Variants in RPRD1A observed in about 807,000 individuals in gnomAD.
RPRD1A encodes the protein regulation of nuclear pre-mRNA domain containing 1A, also known as regulation of nuclear pre-mRNA domain-containing protein 1A.
A neutral mutation model predicts 37.8 loss-of-function variants in RPRD1A; 9 were observed. The ratio of observed to expected loss-of-function variants is 0.24; its 90% CI spans 0.14 to 0.42. RPRD1A has a LOEUF of 0.42. Ranked by LOEUF, RPRD1A falls within the 10% of genes least tolerant of loss-of-function variation. The probability of loss-of-function intolerance (pLI) is 1.00; values close to 1 mark genes in which losing one functional copy is unlikely to be tolerated. For synonymous variants in RPRD1A, 138 were observed against 139.7 expected (o/e 0.99, Z 0.08); for missense variants, 255 against 371.0 (o/e 0.69, Z 2.57).
chr18:36,067,161 G>T, intron 1 of RPRD1A, 93 bp downstream of exon 1: 1 of 1,396,020 alleles, frequency 7.2e-7, no homozygotes, highest in South Asian at 1.4e-5. Context: ...TCCCGACGCC[G>T]GGAAGCCGGG....
chr18:36,066,516 G>A (rs1006035241), intron 1 of RPRD1A, among the ~76,000 whole-genome samples: 3 of 152,162 alleles, frequency 2.0e-5, no homozygotes, highest in African/African-American at 7.2e-5. Context: ...TTTTTACAAA[G>A]TTGCTCTGCA....
chr18:36,024,888 C>T (rs536276465), intron 6 of RPRD1A: 1 of 152,314 alleles, frequency 6.6e-6, no homozygotes, highest in South Asian at 2.1e-4. Context: ...ACAAAGAGTT[C>T]TGTGGAATAA....
At chr18:36,010,082 T>C (rs1031197462) in intron 6 of RPRD1A, among the ~76,000 whole-genome samples, 3 of 151,464 alleles carry the variant, frequency 2.0e-5, no homozygotes, top group Non-Finnish European at 4.4e-5. Context: ...TGGTATGATA[T>C]GTTAGTTATT....
At chr18:36,043,117 CAA>C (rs1351807385) in intron 1 of RPRD1A, among the ~76,000 whole-genome samples, 8 of 129,490 alleles carry the variant, frequency 6.2e-5, no homozygotes, top group Non-Finnish European at 1.1e-4. Flanking sequence ...GGAAAAATAT[CAA>C]AGACATAGTA....
intron 1 of RPRD1A, among the ~76,000 whole-genome samples, chr18:36,059,022 T>C (rs1913987300): frequency 6.6e-6 from 1 of 152,214 alleles, no homozygotes; most frequent in Non-Finnish European, 1.5e-5. Context: ...AAATGTTATG[T>C]TACGATAATT....
chr18:36,056,293 T>G (rs1913762296), intron 1 of RPRD1A, among the ~76,000 whole-genome samples: 1 of 151,860 alleles, frequency 6.6e-6, no homozygotes, highest in Non-Finnish European at 1.5e-5. Context: ...TGGGTTTTTG[T>G]GTTTTTTTTT....
At chr18:36,006,934 A>C (rs1181955827) in intron 6 of RPRD1A, among the ~76,000 whole-genome samples, 1 of 152,112 alleles carries the variant, frequency 6.6e-6, no homozygotes, top group Admixed American at 6.6e-5. Flanking sequence ...CCTATATGAC[A>C]CCTGCTTCTG....
intron 6 of RPRD1A, among the ~76,000 whole-genome samples, chr18:36,004,502 A>C (rs925673239): frequency 6.6e-6 from 1 of 151,682 alleles, no homozygotes; most frequent in Non-Finnish European, 1.5e-5. Context: ...CAATCCTCCC[A>C]CCTCGGCTTC....
intron 6 of RPRD1A, chr18:36,026,152 C>A (rs1382773853): frequency 6.6e-6 from 1 of 152,412 alleles, no homozygotes; most frequent in Non-Finnish European, 1.5e-5. Flanking sequence ...GACATTCCTA[C>A]AAATTTACAG....
At position 36,009,849 on chromosome 18, in the gene RPRD1A, A is replaced by T. The variant is rs145625761; in HGVS notation, c.790-16549T>A. Among the ~76,000 whole-genome samples, 147 of 152,332 alleles carry T rather than the reference A, an allele frequency of 9.6e-4. 1 individual carries two copies. The highest frequency in any genetic ancestry group is 3.3e-3 in the African/African-American group (139 of 41,574). ...TAATTTTGATTAAGTTAAACAGCAC[A>T]TGTGGCTGGTGGCTGCCTAGTGAAC... On this transcript the variant is annotated intron_variant, in intron 6 of 6. Transcript: ENST00000399022.
At chr18:36,038,009 G>C (rs575255759) in intron 1 of RPRD1A, among the ~76,000 whole-genome samples, 1 of 152,250 alleles carries the variant, frequency 6.6e-6, no homozygotes, top group African/African-American at 2.4e-5. Context: ...GTTTGGAATT[G>C]GAACTTATGT....
chr18:36,032,055 C>T (rs1367746860), intron 2 of RPRD1A, among the ~76,000 whole-genome samples: 1 of 152,172 alleles, frequency 6.6e-6, no homozygotes, highest in Non-Finnish European at 1.5e-5. Context: ...TCATTTCACC[C>T]CTTCCTTTAG....
intron 6 of RPRD1A, among the ~76,000 whole-genome samples, chr18:36,019,072 T>G (rs1286853748): frequency 1.3e-5 from 2 of 149,340 alleles, no homozygotes. Flanking sequence ...GAGTTCAAAA[T>G]AAGATCCAAA....
At chr18:36,041,476 T>G (rs1177565973) in intron 1 of RPRD1A, among the ~76,000 whole-genome samples, 1 of 152,224 alleles carries the variant, frequency 6.6e-6, no homozygotes, top group Admixed American at 6.5e-5. Context: ...TAGATCTAAT[T>G]CAGTTCCTTA....
At chr18:36,036,620 C>T (rs1291005657) in intron 1 of RPRD1A, among the ~76,000 whole-genome samples, 3 of 152,108 alleles carry the variant, frequency 2.0e-5, no homozygotes, top group Non-Finnish European at 4.4e-5. Context: ...AACTTATGCC[C>T]TTCCCTAAAT....
At chr18:36,060,744 C>T (rs1388718999) in intron 1 of RPRD1A, among the ~76,000 whole-genome samples, 1 of 152,068 alleles carries the variant, frequency 6.6e-6, no homozygotes, top group African/African-American at 2.4e-5. Context: ...TCTAACATAG[C>T]TTATTGAAAA....
Position 36,067,184 on chromosome 18 carries a change from A to T in RPRD1A, c.151+70T>A. ...CCGGGAAGCCGGGGGCGCTGGAGAAACGGGGTTCCCGGGGGCGCCTGGAGG... is the reference window on the plus strand; with the variant it reads ...CCGGGAAGCCGGGGGCGCTGGAGAATCGGGGTTCCCGGGGGCGCCTGGAGG... On this transcript the variant is annotated intron_variant, in intron 1 of 6. Coordinates refer to ENST00000399022, the MANE Select transcript of RPRD1A (RefSeq NM_018170.5). 2.0e-6 allele frequency: 3 copies of T among 1,478,360 alleles called. No individual in the cohort carries two copies. The South Asian group carries it at 3.9e-5, about 19-fold the overall frequency. The allele number at this position is 1,478,360 out of a possible 1,614,324, so 91.6% of individuals were successfully genotyped here. A position where few individuals can be genotyped will look rare whatever the true frequency, so the allele number is the denominator to read the frequency against.
At position 36,032,862 on chromosome 18, in the gene RPRD1A, C is replaced by T. The variant is rs1241784002; in HGVS notation, c.281+846G>A. 2.6e-5 allele frequency among the ~76,000 whole-genome samples: 4 copies of T among 151,828 alleles called. No individual in the cohort carries two copies. The South Asian group carries it at 6.2e-4, about 24-fold the overall frequency. Reference sequence around the variant, plus strand: ...CACAGTGAGTCTGAAATGTTTGAGACGCATACAAGTAAAAATGTCAAAAGG... The same window carrying T: ...CACAGTGAGTCTGAAATGTTTGAGATGCATACAAGTAAAAATGTCAAAAGG... On this transcript the variant is annotated intron_variant, in intron 2 of 6. Coordinates refer to ENST00000399022, the MANE Select transcript of RPRD1A (RefSeq NM_018170.5).
chr18:36,041,510 A>G (rs1398855168), intron 1 of RPRD1A, among the ~76,000 whole-genome samples: 1 of 152,214 alleles, frequency 6.6e-6, no homozygotes, highest in Non-Finnish European at 1.5e-5. Context: ...TTTATACCTA[A>G]GCATTCATTT....
Sources: gnomAD v4.1 joint callset for allele counts (sites outside exome capture counted in the v4.1 genomes callset) on GRCh38, gnomAD v4.1.1 for gene constraint, MANE v1.5 for transcripts, NCBI Gene and HGNC (gene_info 2026-07-23, HGNC 2026-07-21) for gene names.